LIMS2: variants seen among roughly 807,000 people sequenced by gnomAD.
LIMS2 encodes LIM zinc finger domain containing 2.
A neutral mutation model predicts 45.3 loss-of-function variants in LIMS2; 30 were observed. That is an observed-to-expected ratio of 0.66 (90% CI 0.50 to 0.90). LIMS2 has a LOEUF of 0.90. LIMS2 is among the 40% of genes least tolerant of loss of function. LIMS2 has a pLI of 0.00. For synonymous variants in LIMS2, 173 were observed against 188.0 expected, an observed-to-expected ratio of 0.92 and a Z score of 0.65; for missense variants, 485 against 468.7, an observed-to-expected ratio of 1.03 and a Z score of -0.32.
chr2:127,651,486 T>C (rs750304753), intron 4 of LIMS2: 1 of 1,612,818 alleles, frequency 6.2e-7, no homozygotes, highest in South Asian at 1.1e-5. Flanking sequence ...CTTCGTGCCC[T>C]ACCACGTCAA....
chr2:127,642,881 G>A lies in LIMS2; in HGVS notation c.509+42C>T, dbSNP rs1322915746. The A allele has an allele frequency of 1.9e-6, 3 of 1,541,192 alleles. No homozygotes were observed. The African/African-American group carries it at 4.1e-5, about 21-fold the overall frequency. On this transcript the variant is annotated intron_variant, in intron 5 of 9. Coordinates refer to ENST00000355119, the MANE Select transcript of LIMS2 (RefSeq NM_001161403.3). The surrounding 1 kb of genome is among the most constrained non-coding windows in gnomAD (Gnocchi z 5.3). The stretch of plus-strand genomic sequence containing the variant: ...CCGCCCTTACCCTGGGCCAGCCCTG[G>A]CTCCCCGCCCCCACAACTGCAGGGC...
At position 127,642,991 on chromosome 2, in the gene LIMS2, G is replaced by T. The variant is rs199563092; in HGVS notation, c.441C>A (p.Ile147=). The T allele has an allele frequency of 1.4e-4, 221 of 1,576,556 alleles. 1 individual carries two copies. The East Asian group carries it at 4.3e-3, about 31-fold the overall frequency. Residue 147 remains isoleucine, a synonymous_variant, in exon 5 of 10, where the codon ATC becomes ATA. Coordinates refer to ENST00000355119, the MANE Select transcript of LIMS2 (RefSeq NM_001161403.3). This position sits in a 1 kb window ranked among gnomAD's most constrained non-coding sequence, Gnocchi z 5.3. ...TCCTGAACATGAGGGGCTGCTCGTC[G>T]ATGACCAGGTGGCACCGCTGGCAGA... is the stretch of plus-strand genomic sequence containing the variant. ...KYICQRCHLV[I]DEQPLMFRSD... is the part of the protein sequence containing the mutation.
Position 127,642,793 on chromosome 2 carries a change from C to CA in LIMS2, c.509+129_509+130insT, listed in dbSNP as rs1318381274. On this transcript the variant is annotated intron_variant, in intron 5 of 9. Transcript: ENST00000355119. This position sits in a 1 kb window ranked among gnomAD's most constrained non-coding sequence, Gnocchi z 5.3. Reference sequence around the variant, plus strand: ...CTGCCCTGCAGCCTTGCTCTCGGGACCCCTCTGTCTGCCCACCCTGCTCCC... The same window carrying CA: ...CTGCCCTGCAGCCTTGCTCTCGGGACACCCTCTGTCTGCCCACCCTGCTCCC... The CA allele has an allele frequency of 1.8e-5, 18 of 1,025,836 alleles. No individual in the cohort carries two copies. In the African/African-American group the frequency reaches 2.9e-4, roughly 16 times the overall value. The allele number at this position is 1,025,836 out of a possible 1,614,324, so 63.5% of individuals were successfully genotyped here.
At chr2:127,643,451 T>C in intron 4 of LIMS2, 1 of 458,210 alleles carries the variant, frequency 2.2e-6, no homozygotes, top group Non-Finnish European at 4.4e-6. Flanking sequence ...AGTGTCACTG[T>C]GCCCAGCAGA....
chr2:127,679,353 G>A (rs1685566543), upstream of LIMS2, among the ~76,000 whole-genome samples: 1 of 152,136 alleles, frequency 6.6e-6, no homozygotes, highest in African/African-American at 2.4e-5. The surrounding 1 kb of genome is among the most constrained non-coding windows in gnomAD (Gnocchi z 5.3). Context: ...GAGGGAAGGT[G>A]AGAATGCAGT....
Position 127,656,237 on chromosome 2 carries a change from A to G in LIMS2, c.171+1166T>C, listed in dbSNP as rs561540385. ...CTCTGTTGCCCAACCAGCTCCCAAG[A>G]TTGTTGATGATTTAACGACTGCTCC... On this transcript the variant is annotated intron_variant, in intron 2 of 9. Coordinates refer to ENST00000355119, the MANE Select transcript of LIMS2 (RefSeq NM_001161403.3). Among the ~76,000 whole-genome samples, 6 of 152,212 alleles carry G rather than the reference A, an allele frequency of 3.9e-5. No individual in the cohort carries two copies. In the South Asian group the frequency reaches 1.2e-3, roughly 32 times the overall value.
Position 127,672,090 on chromosome 2 carries a change from C to T in LIMS2, c.11+2924G>A, listed in dbSNP as rs1685294073. 6.6e-6 allele frequency among the ~76,000 whole-genome samples: 1 copy of T among 152,202 alleles called. No individual in the cohort carries two copies. Among genetic ancestry groups the T allele is most frequent in the Non-Finnish European group, 1.5e-5 (1 of 68,030 alleles). Reference sequence around the variant, plus strand: ...ACAGCCTCACATGTGACACACATGACGGTCACACCATGGGTGGGACTCCAC... The same window carrying T: ...ACAGCCTCACATGTGACACACATGATGGTCACACCATGGGTGGGACTCCAC... On this transcript the variant is annotated intron_variant, in intron 1 of 9. Transcript: ENST00000355119. The surrounding 1 kb of genome is among the most constrained non-coding windows in gnomAD (Gnocchi z 4.9).
chr2:127,664,380 G>C lies in LIMS2; in HGVS notation c.12-6818C>G. 3 of 1,210,376 alleles carry C rather than the reference G, an allele frequency of 2.5e-6. No individual in the cohort carries two copies. Among genetic ancestry groups the C allele is most frequent in the Non-Finnish European group, 3.1e-6 (3 of 974,314 alleles). The allele number at this position is 1,210,376 out of a possible 1,614,324, so 75.0% of individuals were successfully genotyped here. A position where few individuals can be genotyped will look rare whatever the true frequency, so the allele number is the denominator to read the frequency against. The stretch of plus-strand genomic sequence containing the variant: ...CCGACGCGGCCAGCGCACCCAGCCG[G>C]GCCGCCATGGCGCGGGGCAGCCGCC... On this transcript the variant is annotated intron_variant, in intron 1 of 9. Transcript: ENST00000355119. This position sits in a 1 kb window ranked among gnomAD's most constrained non-coding sequence, Gnocchi z 5.5.
At chr2:127,656,088 C>T (rs994872946) in intron 2 of LIMS2, 1 of 152,196 alleles carries the variant, frequency 6.6e-6, no homozygotes, top group Non-Finnish European at 1.5e-5. Context: ...ACCCCATCAG[C>T]ATAGACGATA....
At position 127,664,278 on chromosome 2, in the gene LIMS2, G is replaced by C. The variant is rs1419819658; in HGVS notation, c.12-6716C>G. 3.2e-6 allele frequency: 4 copies of C among 1,231,320 alleles called. No homozygotes were observed. The highest frequency in any genetic ancestry group is 4.0e-6 in the Non-Finnish European group (4 of 987,994). The allele number at this position is 1,231,320 out of a possible 1,614,324, so 76.3% of individuals were successfully genotyped here. On this transcript the variant is annotated intron_variant, in intron 1 of 9. Coordinates refer to ENST00000355119, the MANE Select transcript of LIMS2 (RefSeq NM_001161403.3). The surrounding 1 kb of genome is among the most constrained non-coding windows in gnomAD (Gnocchi z 5.5). ...CCGCAGCTTTCCGGCCATTGTCCCC[G>C]CCACCCGCCCCGCCCCTGGCCACCT...
At chr2:127,639,669 C>A (rs1350982333) in intron 9 of LIMS2, among the ~76,000 whole-genome samples, 1 of 152,180 alleles carries the variant, frequency 6.6e-6, no homozygotes, top group Non-Finnish European at 1.5e-5. Flanking sequence ...TATGCCTCCC[C>A]ACAGCCCTTG....
At chr2:127,652,136 G>A (rs569544452) in intron 4 of LIMS2, 1 of 264,526 alleles carries the variant, frequency 3.8e-6, no homozygotes, top group South Asian at 7.3e-5. Flanking sequence ...CCTGAAGGCA[G>A]GCTGCAAATG....
chr2:127,679,023 G>C (rs1389260622), upstream of LIMS2, among the ~76,000 whole-genome samples: 5 of 152,296 alleles, frequency 3.3e-5, no homozygotes, highest in Admixed American at 1.3e-4. This position sits in a 1 kb window ranked among gnomAD's most constrained non-coding sequence, Gnocchi z 5.3. Context: ...GAGAGCAGGA[G>C]AGTGTGAGGT....
At chr2:127,651,695 GC>G (rs2105278044) in intron 4 of LIMS2, 1 of 1,613,178 alleles carries the variant, frequency 6.2e-7, no homozygotes, top group Non-Finnish European at 8.5e-7. Flanking sequence ...TCAAGGGCCC[GC>G]CCCCCAGCTT....
At chr2:127,678,062 C>T (rs998438452), upstream of LIMS2, among the ~76,000 whole-genome samples, 21 of 152,156 alleles carry the variant, frequency 1.4e-4, no homozygotes, top group African/African-American at 3.9e-4. The surrounding 1 kb of genome is among the most constrained non-coding windows in gnomAD (Gnocchi z 5.3). Flanking sequence ...ATACCGTAAA[C>T]GATACTGAAC....
rs913683235 is a variant in LIMS2, at chr2:127,640,604, C to A, written c.754-286G>T. ...AGGTGGTGACTGCATCCCACCAGCG[C>A]CCCCTGCCTTCTGTACCAGAGCAAG... is the stretch of plus-strand genomic sequence containing the variant. On this transcript the variant is annotated intron_variant, in intron 7 of 9. Coordinates refer to ENST00000355119, the MANE Select transcript of LIMS2 (RefSeq NM_001161403.3). 23 of 598,742 alleles carry A rather than the reference C, an allele frequency of 3.8e-5. No homozygotes were observed. In the Admixed American group the frequency reaches 6.5e-4, roughly 17 times the overall value. 37.1% of individuals were successfully genotyped at this position (598,742 alleles called of 1,614,324 possible). A position where few individuals can be genotyped will look rare whatever the true frequency, so the allele number is the denominator to read the frequency against.
chr2:127,660,299 A>C (rs1195399360), intron 1 of LIMS2, among the ~76,000 whole-genome samples: 3 of 152,238 alleles, frequency 2.0e-5, no homozygotes, highest in South Asian at 2.1e-4. Context: ...GGCCACTCGA[A>C]CCCACAGCAG....
In LIMS2 at chr2:127,664,290, G is replaced by T; in HGVS notation, c.12-6728C>A. Reference sequence around the variant, plus strand: ...GGCCATTGTCCCCGCCACCCGCCCCGCCCCTGGCCACCTACCCCGTGGCTG... The same window carrying T: ...GGCCATTGTCCCCGCCACCCGCCCCTCCCCTGGCCACCTACCCCGTGGCTG... On this transcript the variant is annotated intron_variant, in intron 1 of 9. Transcript: ENST00000355119. This position sits in a 1 kb window ranked among gnomAD's most constrained non-coding sequence, Gnocchi z 5.5. The T allele has an allele frequency of 8.1e-7, 1 of 1,234,586 alleles. No homozygotes were observed. The highest frequency in any genetic ancestry group is 3.6e-5 in the South Asian group (1 of 27,578). The allele number at this position is 1,234,586 out of a possible 1,614,324, so 76.5% of individuals were successfully genotyped here.
chr2:127,652,680 A>G (rs1200478352), intron 4 of LIMS2: 1 of 154,092 alleles, frequency 6.5e-6, no homozygotes, highest in Non-Finnish European at 1.5e-5. Context: ...CGTTTCCCAG[A>G]ACTTCTCTGA....
Sources: gnomAD v4.1 joint callset for allele counts (sites outside exome capture counted in the v4.1 genomes callset) on GRCh38, gnomAD v4.1.1 for gene constraint, Gnocchi (gnomAD v3.1) non-coding constraint, MANE v1.5 for transcripts, NCBI Gene and HGNC (gene_info 2026-07-23, HGNC 2026-07-21) for gene names.